Variants in FBXO15 observed in about 807,000 individuals in gnomAD.
The protein encoded by FBXO15 is F-box protein 15, also known as F-box only protein 15.
FBXO15 carries 30 observed loss-of-function variants against 49.5 expected under a neutral mutation model. The observed-to-expected ratio is 0.61, with a 90% CI of 0.45 to 0.82. The LOEUF (loss-of-function observed/expected upper bound fraction) is 0.82, where lower values mean the gene tolerates loss of function less well. Ranked by LOEUF, FBXO15 falls within the 40% of genes least tolerant of loss-of-function variation. FBXO15 has a pLI of 0.00. For missense variants in FBXO15, 591 were observed against 631.5 expected, an observed-to-expected ratio of 0.94 and a Z score of 0.69; for synonymous variants, 250 against 232.7, an observed-to-expected ratio of 1.07 and a Z score of -0.68.
rs1477206370 is a variant in FBXO15 at position 74,075,346 on chromosome 18, C to T, written c.1264-1616G>A. Among the ~76,000 whole-genome samples, 2 of 152,210 alleles carry T rather than the reference C, an allele frequency of 1.3e-5. No individual in the cohort carries two copies. Among genetic ancestry groups the T allele is most frequent in the South Asian group, 2.1e-4 (1 of 4,834 alleles). The stretch of plus-strand genomic sequence containing the variant: ...ACATGTGTTTCTCATCTGCTCCTCC[C>T]GGGTGTGGCCCAGTAACCTCCTGCT... On this transcript the variant is annotated intron_variant, in intron 9 of 9. Coordinates refer to ENST00000419743, the MANE Select transcript of FBXO15 (RefSeq NM_001142958.2). The surrounding 1 kb of genome is among the most constrained non-coding windows in gnomAD (Gnocchi z 4.1).
intron 6 of FBXO15, 49 bp downstream of exon 6, chr18:74,125,926 G>C (rs755833385): frequency 1.4e-5 from 22 of 1,603,392 alleles, no homozygotes; most frequent in Non-Finnish European, 1.4e-5. Context: ...AGTAAATGTG[G>C]TATTGTGATG....
At chr18:74,106,744 A>T (rs1437805848) in intron 8 of FBXO15, among the ~76,000 whole-genome samples, 2 of 152,194 alleles carry the variant, frequency 1.3e-5, no homozygotes, top group Non-Finnish European at 2.9e-5. Flanking sequence ...TGGAAATTTA[A>T]AACAATCAGA....
Position 74,095,813 on chromosome 18 carries a change from C to A in FBXO15, c.1139-13762G>T, listed in dbSNP as rs947758715. Among the ~76,000 whole-genome samples the A allele has an allele frequency of 1.2e-4, 19 of 152,270 alleles. No individual in the cohort carries two copies. The East Asian group carries it at 3.1e-3, about 25-fold the overall frequency. The stretch of plus-strand genomic sequence containing the variant: ...ACTACAATATCTTAGACTTCCAGAT[C>A]CAACATGGTAGCACAGAAGCAAGCT... On this transcript the variant is annotated intron_variant, in intron 8 of 9. Coordinates refer to ENST00000419743, the MANE Select transcript of FBXO15 (RefSeq NM_001142958.2).
chr18:74,113,006 A>G (rs1914097202), intron 8 of FBXO15, among the ~76,000 whole-genome samples: 1 of 152,248 alleles, frequency 6.6e-6, no homozygotes, highest in Non-Finnish European at 1.5e-5. Context: ...CTGCAAATGG[A>G]TGCTTATAGC....
chr18:74,147,823 GA>G lies in FBXO15; in HGVS notation c.-39del. 6.8e-7 allele frequency: 1 copy of G among 1,475,762 alleles called. No individual in the cohort carries two copies. 91.4% of individuals were successfully genotyped at this position (1,475,762 alleles called of 1,614,324 possible). A position where few individuals can be genotyped will look rare whatever the true frequency, so the allele number is the denominator to read the frequency against. Reference sequence around the variant, plus strand: ...TTCACCACAGGACCGCGCCAGGGCTGAAACGAAGAGTGCACGCACCGCCCCC... The same window carrying G: ...TTCACCACAGGACCGCGCCAGGGCTGAACGAAGAGTGCACGCACCGCCCCC... On this transcript the variant is annotated 5_prime_UTR_variant, in exon 1 of 10. Transcript: ENST00000419743.
chr18:74,108,056 C>CCA (rs1246551480), intron 8 of FBXO15, among the ~76,000 whole-genome samples: 1 of 151,894 alleles, frequency 6.6e-6, no homozygotes, highest in Non-Finnish European at 1.5e-5. Flanking sequence ...AGAATGCTTA[C>CCA]CACACACACA....
intron 8 of FBXO15, among the ~76,000 whole-genome samples, chr18:74,111,886 G>A (rs78665569): frequency 0.044 from 6,709 of 152,118 alleles, 201 homozygotes; most frequent in Middle Eastern, 0.12. Flanking sequence ...ATATTAAAAA[G>A]ATAATAGGAG....
chr18:74,091,666 A>G (rs1161072904), intron 8 of FBXO15, among the ~76,000 whole-genome samples: 1 of 152,192 alleles, frequency 6.6e-6, no homozygotes, highest in African/African-American at 2.4e-5. Context: ...TCTGGATATC[A>G]AATTCTTAGT....
intron 8 of FBXO15, among the ~76,000 whole-genome samples, chr18:74,110,193 G>GCATATATA (rs1256896784): frequency 1.6e-4 from 2 of 12,436 alleles, no homozygotes; most frequent in Admixed American, 2.6e-3. Flanking sequence ...ACATATGTGT[G>GCATATATA]CATATATATA....
At chr18:74,106,129 T>A (rs921993602) in intron 8 of FBXO15, among the ~76,000 whole-genome samples, 1 of 151,900 alleles carries the variant, frequency 6.6e-6, no homozygotes, top group Non-Finnish European at 1.5e-5. Flanking sequence ...TCCTAAGAGG[T>A]AAGGGTACAG....
intron 1 of FBXO15, chr18:74,147,013 T>C (rs916706061): frequency 6.6e-6 from 1 of 152,188 alleles, no homozygotes; most frequent in African/African-American, 2.4e-5. Flanking sequence ...CACGATATAA[T>C]GAGAGGGATT....
At chr18:74,110,172 TATATATATACACATATGTGTGC>T (rs1337693968) in intron 8 of FBXO15, among the ~76,000 whole-genome samples, 7 of 120,152 alleles carry the variant, frequency 5.8e-5, no homozygotes, top group African/African-American at 1.8e-4. Context: ...TGCATATATA[TATATATATACACATATGTGTGC>T]ATATATATAT....
intron 9 of FBXO15, among the ~76,000 whole-genome samples, chr18:74,079,119 A>G (rs999073140): frequency 2.6e-5 from 4 of 152,272 alleles, no homozygotes; most frequent in Non-Finnish European, 5.9e-5. Flanking sequence ...ATATAGATTT[A>G]GAAGTAACAT....
At chr18:74,115,217 A>G (rs970063951) in intron 8 of FBXO15, among the ~76,000 whole-genome samples, 19 of 152,214 alleles carry the variant, frequency 1.2e-4, no homozygotes, top group African/African-American at 4.6e-4. Flanking sequence ...TGTTGCCTCA[A>G]AATGGATGAC....
intron 1 of FBXO15, among the ~76,000 whole-genome samples, chr18:74,147,301 G>C (rs3813118): frequency 6.6e-6 from 1 of 152,024 alleles, no homozygotes; most frequent in Non-Finnish European, 1.5e-5. Flanking sequence ...CACGAAGGGA[G>C]ATTCTTGGTT....
intron 8 of FBXO15, among the ~76,000 whole-genome samples, chr18:74,112,619 C>T (rs1914078258): frequency 6.6e-6 from 1 of 152,210 alleles, no homozygotes; most frequent in Admixed American, 6.5e-5. Flanking sequence ...GATGACTCCT[C>T]TCATCAGTGC....
chr18:74,146,358 C>T (rs1199016235), intron 1 of FBXO15, among the ~76,000 whole-genome samples: 2 of 152,164 alleles, frequency 1.3e-5, no homozygotes, highest in African/African-American at 4.8e-5. Flanking sequence ...AAAAATAATG[C>T]ATACATTTCC....
Position 74,147,806 on chromosome 18 carries a change from A to T in FBXO15, c.-21T>A, listed in dbSNP as rs1418064103. ...GCCATAGAGACAAGGAGTTCACCAC[A>T]GGACCGCGCCAGGGCTGAAACGAAG... On this transcript the variant is annotated 5_prime_UTR_variant, in exon 1 of 10. Transcript: ENST00000419743. 1.3e-6 allele frequency: 2 copies of T among 1,507,062 alleles called. No homozygotes were observed. The highest frequency in any genetic ancestry group is 1.8e-6 in the Non-Finnish European group (2 of 1,129,340). The allele number at this position is 1,507,062 out of a possible 1,614,324, so 93.4% of individuals were successfully genotyped here.
chr18:74,146,215 T>C (rs898521548), intron 1 of FBXO15, among the ~76,000 whole-genome samples: 1 of 152,266 alleles, frequency 6.6e-6, no homozygotes, highest in Admixed American at 6.5e-5. Flanking sequence ...TATTTATACA[T>C]ATTCACATTT....
Sources: gnomAD v4.1 joint callset for allele counts (sites outside exome capture counted in the v4.1 genomes callset) on GRCh38, gnomAD v4.1.1 for gene constraint, Gnocchi (gnomAD v3.1) non-coding constraint, MANE v1.5 for transcripts, NCBI Gene and HGNC (gene_info 2026-07-23, HGNC 2026-07-21) for gene names.